SHC2: variants seen among roughly 807,000 people sequenced by gnomAD.
SHC2 encodes SHC-transforming protein 2.
In SHC2, 62 loss-of-function variants were observed where a neutral mutation model predicts 60.6. The ratio of observed to expected loss-of-function variants is 1.02; its 90% CI spans 0.83 to 1.26. The LOEUF (loss-of-function observed/expected upper bound fraction) is 1.26. Among genes scored for constraint, SHC2 ranks in the 50% most tolerant of loss-of-function variants. The pLI is 0.00. For missense variants in SHC2, 873 were observed against 822.2 expected (o/e 1.06, Z -0.76); for synonymous variants, 375 against 372.4 (o/e 1.01, Z -0.08).
rs939248346 is a variant in SHC2 at position 441,366 on chromosome 19, C to T, written c.469-434G>A. 5 of 155,468 alleles carry T rather than the reference C, an allele frequency of 3.2e-5. No individual in the cohort carries two copies. The Admixed American group carries it at 3.3e-4, about 10-fold the overall frequency. The allele number at this position is 155,468 out of a possible 1,614,324, so 9.6% of individuals were successfully genotyped here. A position where few individuals can be genotyped will look rare whatever the true frequency, so the allele number is the denominator to read the frequency against. Reference sequence around the variant, plus strand: ...TCCAGGGCAGCCACAGATGCACACACTGCTGGCCTCGCCCTCCACAGGAAG... The same window carrying T: ...TCCAGGGCAGCCACAGATGCACACATTGCTGGCCTCGCCCTCCACAGGAAG... On this transcript the variant is annotated intron_variant, in intron 1 of 12. Coordinates refer to ENST00000264554, the MANE Select transcript of SHC2 (RefSeq NM_012435.3). This position sits in a 1 kb window ranked among gnomAD's most constrained non-coding sequence, Gnocchi z 4.9.
At position 453,983 on chromosome 19, in the gene SHC2, C is replaced by T. The variant is rs143697027; in HGVS notation, c.468+6546G>A. On this transcript the variant is annotated intron_variant, in intron 1 of 12. Coordinates refer to ENST00000264554, the MANE Select transcript of SHC2 (RefSeq NM_012435.3). The surrounding 1 kb of genome is among the most constrained non-coding windows in gnomAD (Gnocchi z 6.3). The stretch of plus-strand genomic sequence containing the variant: ...AGAACACGGGGTCGGTGTCCACAGA[C>T]CTTGGCACGAACTCTGGCCTCTCCA... Among the ~76,000 whole-genome samples the T allele has an allele frequency of 6.6e-6, 1 of 152,322 alleles. No homozygotes were observed. The highest frequency in any genetic ancestry group is 1.5e-5 in the Non-Finnish European group (1 of 68,036).
intron 11 of SHC2, chr19:419,315 G>A (rs540664611): frequency 2.0e-4 from 89 of 445,068 alleles, no homozygotes; most frequent in African/African-American, 1.6e-3. Flanking sequence ...GGGAAGATGC[G>A]GCCAGGTCCC....
At chr19:436,558 G>C in intron 5 of SHC2, 72 bp downstream of exon 5, 1 of 1,584,844 alleles carries the variant, frequency 6.3e-7, no homozygotes, top group Non-Finnish European at 8.6e-7. Context: ...CGGGCTCTGG[G>C]GAAGGATGAG....
At chr19:454,847 C>T (rs1245169982) in intron 1 of SHC2, among the ~76,000 whole-genome samples, 1 of 152,146 alleles carries the variant, frequency 6.6e-6, no homozygotes, top group Non-Finnish European at 1.5e-5. Flanking sequence ...GGCCGGAAGC[C>T]CGTCCCCTCT....
intron 9 of SHC2, among the ~76,000 whole-genome samples, chr19:426,823 G>A (rs1406575573): frequency 6.9e-6 from 1 of 145,072 alleles, no homozygotes; most frequent in Non-Finnish European, 1.5e-5. Context: ...GAGAGGGGCA[G>A]AGTCCGGGGA....
chr19:417,843 C>G (rs1044379576), intron 12 of SHC2, among the ~76,000 whole-genome samples: 7 of 152,042 alleles, frequency 4.6e-5, no homozygotes, highest in Admixed American at 1.3e-4. Flanking sequence ...AGGCCGCGGC[C>G]GCATAGGGGA....
chr19:444,902 C>T, intron 1 of SHC2, among the ~76,000 whole-genome samples: 1 of 152,218 alleles, frequency 6.6e-6, no homozygotes, highest in South Asian at 2.1e-4. Context: ...GCAGCAATGG[C>T]CCCTCGGGAA....
chr19:431,105 C>A (rs1600287205), intron 8 of SHC2, among the ~76,000 whole-genome samples: 2 of 101,648 alleles, frequency 2.0e-5, no homozygotes, highest in East Asian at 3.6e-4. Context: ...GGCCTCCGGA[C>A]CGCCCTACAG....
At chr19:436,485 C>T (rs951085754) in intron 5 of SHC2, 54 bp from the exon 6 acceptor site, 28 of 1,598,956 alleles carry the variant, frequency 1.8e-5, no homozygotes, top group Non-Finnish European at 2.2e-5. Context: ...CCGGGATTCC[C>T]AGCTGCCCAC....
At chr19:459,529 C>A (rs931182483) in intron 1 of SHC2, among the ~76,000 whole-genome samples, 1 of 143,102 alleles carries the variant, frequency 7.0e-6, no homozygotes, top group Non-Finnish European at 1.5e-5. Flanking sequence ...CTTCTCAACT[C>A]AGTGTAGAGG....
rs1208986849 is a variant in SHC2, at chr19:425,678, G to A, written c.1175-447C>T. Among the ~76,000 whole-genome samples, 1 of 152,230 alleles carries A rather than the reference G, an allele frequency of 6.6e-6. No individual in the cohort carries two copies. Among genetic ancestry groups the A allele is most frequent in the Admixed American group, 6.5e-5 (1 of 15,288 alleles). Reference sequence around the variant, plus strand: ...ACGGAGGGTCACTTATTCTGACTCAGTTCTATTTCAGGATTTTCCTTCCTT... The same window carrying A: ...ACGGAGGGTCACTTATTCTGACTCAATTCTATTTCAGGATTTTCCTTCCTT... On this transcript the variant is annotated intron_variant, in intron 9 of 12. Coordinates refer to ENST00000264554, the MANE Select transcript of SHC2 (RefSeq NM_012435.3). This position sits in a 1 kb window ranked among gnomAD's most constrained non-coding sequence, Gnocchi z 4.1.
chr19:423,058 T>C (rs1223993938), intron 10 of SHC2, among the ~76,000 whole-genome samples: 1 of 152,206 alleles, frequency 6.6e-6, no homozygotes, highest in Non-Finnish European at 1.5e-5. Context: ...GCCCCAGCCC[T>C]GACGGAGATG....
At chr19:442,478 G>A (rs1377824258) in intron 1 of SHC2, among the ~76,000 whole-genome samples, 12 of 117,488 alleles carry the variant, frequency 1.0e-4, no homozygotes, top group East Asian at 2.9e-4. Flanking sequence ...TGGATGGGTG[G>A]GTGGATGGGT....
intron 1 of SHC2, among the ~76,000 whole-genome samples, chr19:458,738 G>C (rs1975453140): frequency 6.7e-6 from 1 of 149,324 alleles, no homozygotes; most frequent in African/African-American, 2.5e-5. Flanking sequence ...GTGGGTTCCG[G>C]GGAGGCGGAA....
Position 434,842 on chromosome 19 carries a change from G to A in SHC2, c.977C>T (p.Ala326Val). ...PERLAGPEES[A>V]WGDEEDSLEH... ...CAAAGAGTCCTCCTCGTCCCCCCAG[G>A]CCGACTCCTCCGGCCCTGCCAGCCT... Residue 326 changes from alanine to valine, a missense_variant, in exon 8 of 13, where the codon GCC becomes GTC. Transcript: ENST00000264554. 1 of 1,611,700 alleles carries A rather than the reference G, an allele frequency of 6.2e-7. No homozygotes were observed.
chr19:452,222 G>A (rs1390044998), intron 1 of SHC2, among the ~76,000 whole-genome samples: 1 of 145,678 alleles, frequency 6.9e-6, no homozygotes, highest in African/African-American at 2.6e-5. Flanking sequence ...TGAGGTTGGG[G>A]CATCGTACTG....
chr19:428,834 T>C (rs1974486142), intron 9 of SHC2, among the ~76,000 whole-genome samples: 2 of 152,030 alleles, frequency 1.3e-5, no homozygotes, highest in Non-Finnish European at 2.9e-5. Context: ...CCTAATACTG[T>C]GTGGATGACG....
intron 2 of SHC2, among the ~76,000 whole-genome samples, chr19:439,997 G>A (rs1238873763): frequency 6.9e-6 from 1 of 144,728 alleles, no homozygotes; most frequent in African/African-American, 2.7e-5. Flanking sequence ...CTGCACTCCA[G>A]CCTGGGCAAC....
At position 419,076 on chromosome 19, in the gene SHC2, G is replaced by A. The variant is rs749171567; in HGVS notation, c.1621-20C>T. Reference sequence around the variant, plus strand: ...CCGTACCTGCGGGACAGAGACCTCGGCATCAGCTCCCGGGAGCCCGCCTGG... The same window carrying A: ...CCGTACCTGCGGGACAGAGACCTCGACATCAGCTCCCGGGAGCCCGCCTGG... On this transcript the variant is annotated intron_variant, in intron 11 of 12. Coordinates refer to ENST00000264554, the MANE Select transcript of SHC2 (RefSeq NM_012435.3). The A allele has an allele frequency of 6.4e-7, 1 of 1,560,104 alleles. No homozygotes were observed. The highest frequency in any genetic ancestry group is 1.2e-5 in the South Asian group (1 of 85,194).
Sources: allele counts gnomAD v4.1 joint callset (sites outside exome capture counted in the v4.1 genomes callset), GRCh38; gene constraint gnomAD v4.1.1; non-coding constraint Gnocchi (gnomAD v3.1); transcripts MANE v1.5; gene names NCBI Gene and HGNC (gene_info 2026-07-23, HGNC 2026-07-21).